CLPB: variants seen among roughly 807,000 people sequenced by gnomAD.
CLPB encodes the protein ClpB family mitochondrial disaggregase.
In CLPB, 40 loss-of-function variants were observed where a neutral mutation model predicts 78.4. The ratio of observed to expected loss-of-function variants is 0.51; its 90% CI spans 0.40 to 0.66. CLPB has a LOEUF of 0.66. CLPB is among the 30% of genes least tolerant of loss of function. The pLI, the probability that CLPB is intolerant of heterozygous loss-of-function variation, is 0.00. For missense variants in CLPB, 780 were observed against 886.9 expected, an observed-to-expected ratio of 0.88 and a Z score of 1.53; for synonymous variants, 333 against 348.0, an observed-to-expected ratio of 0.96 and a Z score of 0.48.
chr11:72,360,446 AT>A (rs953252999), intron 4 of CLPB, among the ~76,000 whole-genome samples: 87 of 146,792 alleles, frequency 5.9e-4, no homozygotes, highest in Non-Finnish European at 5.7e-4. Context: ...ATACTAATAG[AT>A]TTTTTTTTTT....
intron 5 of CLPB, among the ~76,000 whole-genome samples, chr11:72,354,076 T>C (rs562688676): frequency 4.2e-4 from 64 of 152,128 alleles, no homozygotes; most frequent in African/African-American, 1.4e-3. Context: ...CATTTCCAGA[T>C]GAGGAGAAAG....
intron 5 of CLPB, among the ~76,000 whole-genome samples, chr11:72,341,532 T>A (rs185518030): frequency 3.3e-5 from 5 of 152,314 alleles, no homozygotes; most frequent in Non-Finnish European, 7.4e-5. Flanking sequence ...ATAAATGAGT[T>A]GGATCTTGAA....
At chr11:72,347,502 G>A (rs1284526348) in intron 5 of CLPB, among the ~76,000 whole-genome samples, 2 of 152,118 alleles carry the variant, frequency 1.3e-5, no homozygotes, top group African/African-American at 4.8e-5. Context: ...TAATGTCAAG[G>A]GAAAAGATAG....
At chr11:72,350,667 GT>G (rs1207341173) in intron 5 of CLPB, among the ~76,000 whole-genome samples, 2 of 152,174 alleles carry the variant, frequency 1.3e-5, no homozygotes, top group Non-Finnish European at 2.9e-5. Flanking sequence ...AAAGGAAACT[GT>G]TTTATACAAC....
At chr11:72,425,820 T>C (rs1210979110) in intron 2 of CLPB, among the ~76,000 whole-genome samples, 2 of 152,190 alleles carry the variant, frequency 1.3e-5, no homozygotes, top group Admixed American at 1.3e-4. Context: ...CCCTTCTATT[T>C]ACAAAGTCCA....
At chr11:72,404,270 C>G (rs1242905803) in intron 2 of CLPB, among the ~76,000 whole-genome samples, 1 of 152,126 alleles carries the variant, frequency 6.6e-6, no homozygotes, top group African/African-American at 2.4e-5. Context: ...GAACACAGTG[C>G]CAAGAAAGGG....
At chr11:72,391,470 T>C (rs1314736236) in intron 3 of CLPB, among the ~76,000 whole-genome samples, 2 of 152,266 alleles carry the variant, frequency 1.3e-5, no homozygotes, top group East Asian at 3.8e-4. Context: ...AAGGGCCATG[T>C]CTCAACCTTA....
intron 5 of CLPB, chr11:72,354,277 G>GTATATATATATA (rs57178829): frequency 2.3e-4 from 86 of 375,602 alleles, no homozygotes; most frequent in African/African-American, 1.8e-3. Flanking sequence ...GTGTGTGTGT[G>GTATATATATATA]TATATATATA....
intron 2 of CLPB, among the ~76,000 whole-genome samples, chr11:72,406,189 T>G (rs1855703931): frequency 6.6e-6 from 1 of 152,066 alleles, no homozygotes; most frequent in South Asian, 2.1e-4. Flanking sequence ...GGAGAGGAGC[T>G]TGGGCAGGAA....
chr11:72,411,978 A>G (rs866677087), intron 2 of CLPB: 1 of 152,222 alleles, frequency 6.6e-6, no homozygotes, highest in South Asian at 2.1e-4. Context: ...CCCTGTTTAC[A>G]GTAATAACAG....
intron 2 of CLPB, among the ~76,000 whole-genome samples, chr11:72,417,494 G>T (rs1856058053): frequency 1.3e-5 from 2 of 152,112 alleles, no homozygotes; most frequent in Non-Finnish European, 2.9e-5. Context: ...GGGGTGGGGT[G>T]GGAGAGTGAT....
rs151235103 is a variant in CLPB, at chr11:72,381,433, G to A, written c.543-1049C>T. Among the ~76,000 whole-genome samples, 40 of 152,018 alleles carry A rather than the reference G, an allele frequency of 2.6e-4. 1 individual carries two copies. In the East Asian group the frequency reaches 7.0e-3, roughly 27 times the overall value. Reference sequence around the variant, plus strand: ...CTAGCCAGACTGACCTTAGCAGCCCGACTCTGGCCCTAGTGCCAGGCCAGC... The same window carrying A: ...CTAGCCAGACTGACCTTAGCAGCCCAACTCTGGCCCTAGTGCCAGGCCAGC... On this transcript the variant is annotated intron_variant, in intron 3 of 15. Transcript: ENST00000538039.
intron 3 of CLPB, among the ~76,000 whole-genome samples, chr11:72,384,358 C>T (rs944488643): frequency 2.6e-5 from 4 of 151,908 alleles, no homozygotes; most frequent in East Asian, 3.9e-4. Context: ...AATTGTGACA[C>T]TAAAAATACA....
At chr11:72,427,156 G>A (rs1283090693) in intron 2 of CLPB, among the ~76,000 whole-genome samples, 5 of 152,212 alleles carry the variant, frequency 3.3e-5, no homozygotes, top group African/African-American at 4.8e-5. Flanking sequence ...ATTCCAGGGT[G>A]TCCTTAAAGA....
intron 11 of CLPB, among the ~76,000 whole-genome samples, chr11:72,300,477 T>A (rs1290022606): frequency 1.3e-5 from 2 of 152,188 alleles, no homozygotes; most frequent in African/African-American, 4.8e-5. Context: ...TAACTGAGTA[T>A]GTGACCTCTG....
chr11:72,294,790 C>T (rs1949520920), intron 12 of CLPB, 97 bp from the exon 13 acceptor site: 3 of 1,000,496 alleles, frequency 3.0e-6, no homozygotes, highest in Non-Finnish European at 4.8e-6. Context: ...AGCCCTGGTC[C>T]TGTCCATCTG....
intron 2 of CLPB, among the ~76,000 whole-genome samples, chr11:72,423,644 C>T (rs2135146928): frequency 6.6e-6 from 1 of 152,346 alleles, no homozygotes; most frequent in South Asian, 2.1e-4. Flanking sequence ...TTCAAAACTG[C>T]AGATCTATAT....
chr11:72,311,900 T>C (rs1159274174), intron 7 of CLPB, among the ~76,000 whole-genome samples: 14 of 152,256 alleles, frequency 9.2e-5, no homozygotes, highest in Admixed American at 9.2e-4. Flanking sequence ...TGCTTTCTCC[T>C]GGCCATGCTT....
At chr11:72,345,899 T>C (rs1950503904) in intron 5 of CLPB, among the ~76,000 whole-genome samples, 1 of 152,188 alleles carries the variant, frequency 6.6e-6, no homozygotes, top group Admixed American at 6.5e-5. Flanking sequence ...AGGAGATTTG[T>C]TTTCTACAGT....
Sources: gnomAD v4.1 joint callset for allele counts (sites outside exome capture counted in the v4.1 genomes callset) on GRCh38, gnomAD v4.1.1 for gene constraint, MANE v1.5 for transcripts, NCBI Gene and HGNC (gene_info 2026-07-23, HGNC 2026-07-21) for gene names.